Variants in NCOA1 observed in about 807,000 individuals in gnomAD.
The protein encoded by NCOA1 is Hin-2 protein.
A neutral mutation model predicts 150.9 loss-of-function variants in NCOA1; 35 were observed. The observed-to-expected ratio is 0.23, with a 90% CI of 0.18 to 0.31. The LOEUF is 0.31. Ranked by LOEUF, NCOA1 falls within the 10% of genes least tolerant of loss-of-function variation. The pLI is 1.00. For missense variants in NCOA1, 1,491 were observed against 1,749.3 expected, an observed-to-expected ratio of 0.85 and a Z score of 2.63; for synonymous variants, 590 against 630.0, an observed-to-expected ratio of 0.94 and a Z score of 0.95.
chr2:24,537,057 C>A (rs1201154325), intron 1 of NCOA1, among the ~76,000 whole-genome samples: 1 of 151,888 alleles, frequency 6.6e-6, no homozygotes, highest in Non-Finnish European at 1.5e-5. Context: ...GCACTGAAAT[C>A]TCAGACTTCA....
intron 3 of NCOA1, among the ~76,000 whole-genome samples, chr2:24,623,239 G>A (rs551292387): frequency 6.6e-6 from 1 of 152,260 alleles, no homozygotes; most frequent in South Asian, 2.1e-4. Context: ...AGTTAGAGGT[G>A]GAAACTCAGA....
chr2:24,768,176 G>A, intron 22 of NCOA1, 45 bp from the exon 23 acceptor site: 3 of 1,613,426 alleles, frequency 1.9e-6, no homozygotes, highest in Non-Finnish European at 2.5e-6. Flanking sequence ...ATAAGCCGGG[G>A]GGGCAGACCC....
At chr2:24,617,555 A>T (rs1037833430) in intron 3 of NCOA1, among the ~76,000 whole-genome samples, 3 of 152,034 alleles carry the variant, frequency 2.0e-5, no homozygotes, top group African/African-American at 7.2e-5. Flanking sequence ...TTTATATTCC[A>T]CTTCTTTGAA....
intron 3 of NCOA1, among the ~76,000 whole-genome samples, chr2:24,604,940 A>G (rs540527604): frequency 6.6e-6 from 1 of 152,262 alleles, no homozygotes; most frequent in Admixed American, 6.5e-5. Flanking sequence ...TGACTCTTTC[A>G]CTTGAACAGT....
Position 24,650,670 on chromosome 2 carries a change from C to G in NCOA1, c.-18+6548C>G, listed in dbSNP as rs191693426. Among the ~76,000 whole-genome samples the G allele has an allele frequency of 3.7e-4, 57 of 152,170 alleles. No homozygotes were observed. In the East Asian group the frequency reaches 0.011, roughly 28 times the overall value. ...AGGCAAAGGACCTGAAAAGATATTTCTTTAAGGATGACATAAAAATGGCCA... is the reference window on the plus strand; with the variant it reads ...AGGCAAAGGACCTGAAAAGATATTTGTTTAAGGATGACATAAAAATGGCCA... On this transcript the variant is annotated intron_variant, in intron 4 of 22. Coordinates refer to ENST00000348332, the MANE Select transcript of NCOA1 (RefSeq NM_003743.5).
chr2:24,720,065 TGGTAGTAAGAG>T (rs1296551975), intron 14 of NCOA1, among the ~76,000 whole-genome samples: 4 of 152,256 alleles, frequency 2.6e-5, no homozygotes, highest in Admixed American at 1.3e-4. Context: ...GGAACCAGGA[TGGTAGTAAGAG>T]AGGTACATGT....
At chr2:24,627,389 A>G (rs1669478142) in intron 3 of NCOA1, among the ~76,000 whole-genome samples, 1 of 152,180 alleles carries the variant, frequency 6.6e-6, no homozygotes, top group African/African-American at 2.4e-5. Flanking sequence ...AAATACTTGG[A>G]AACAAATAGT....
chr2:24,660,498 T>C (rs1282432663), intron 5 of NCOA1, among the ~76,000 whole-genome samples: 2 of 152,084 alleles, frequency 1.3e-5, no homozygotes, highest in East Asian at 1.9e-4. Flanking sequence ...CTGAGCAATA[T>C]AGAATATTAC....
intron 1 of NCOA1, among the ~76,000 whole-genome samples, chr2:24,516,817 C>T (rs1481517692): frequency 4.6e-5 from 5 of 108,350 alleles, no homozygotes; most frequent in Non-Finnish European, 9.7e-5. Context: ...CTATTTCTAT[C>T]CAGCTTTCTT....
intron 17 of NCOA1, among the ~76,000 whole-genome samples, chr2:24,737,550 T>A (rs1289695173): frequency 6.6e-6 from 1 of 152,214 alleles, no homozygotes; most frequent in African/African-American, 2.4e-5. Flanking sequence ...TTACCTGGCC[T>A]CATTGCCTCC....
intron 3 of NCOA1, among the ~76,000 whole-genome samples, chr2:24,623,380 T>C (rs1339134262): frequency 2.0e-5 from 3 of 152,218 alleles, no homozygotes; most frequent in African/African-American, 7.2e-5. Context: ...CTATGGAATT[T>C]TTTTACTTTC....
At chr2:24,730,628 C>T (rs1309780581) in intron 17 of NCOA1, among the ~76,000 whole-genome samples, 2 of 152,024 alleles carry the variant, frequency 1.3e-5, no homozygotes, top group East Asian at 3.9e-4. Flanking sequence ...AATCTTCTCT[C>T]TCATGACAGG....
intron 1 of NCOA1, among the ~76,000 whole-genome samples, chr2:24,496,433 C>T (rs1444508197): frequency 6.6e-6 from 1 of 152,176 alleles, no homozygotes; most frequent in African/African-American, 2.4e-5. Context: ...TTTACATGTT[C>T]CATTTTCTTC....
intron 4 of NCOA1, 61 bp from the exon 5 acceptor site, chr2:24,658,600 A>G (rs1179632972): frequency 7.9e-7 from 1 of 1,268,454 alleles, no homozygotes; most frequent in Non-Finnish European, 1.1e-6. Context: ...GAGCTTCCCT[A>G]CCTTTATTTG....
intron 3 of NCOA1, among the ~76,000 whole-genome samples, chr2:24,634,711 C>CCG (rs1279642766): frequency 1.8e-4 from 18 of 101,646 alleles, no homozygotes; most frequent in African/African-American, 5.6e-4. Context: ...GGGAGGAACC[C>CCG]CCCCCCCCCC....
intron 3 of NCOA1, among the ~76,000 whole-genome samples, chr2:24,602,707 C>A (rs1455277787): frequency 6.6e-6 from 1 of 151,870 alleles, no homozygotes; most frequent in Non-Finnish European, 1.5e-5. Context: ...TCTCCAATTT[C>A]TTTAATCATT....
intron 9 of NCOA1, among the ~76,000 whole-genome samples, chr2:24,692,440 G>A (rs1672708941): frequency 6.6e-6 from 1 of 152,140 alleles, no homozygotes. Flanking sequence ...TTGGGAATGG[G>A]ACTTTGAAAA....
At chr2:24,607,828 T>C (rs1668440364) in intron 3 of NCOA1, among the ~76,000 whole-genome samples, 2 of 152,202 alleles carry the variant, frequency 1.3e-5, no homozygotes, top group South Asian at 4.1e-4. Context: ...AGACTGAAAT[T>C]GTTCTTTGAG....
chr2:24,655,662 G>A (rs1434385798), intron 4 of NCOA1, among the ~76,000 whole-genome samples: 1 of 152,176 alleles, frequency 6.6e-6, no homozygotes, highest in Admixed American at 6.5e-5. Flanking sequence ...ATAAACTTAA[G>A]GAGGACAAGA....
Sources: allele counts gnomAD v4.1 joint callset (sites outside exome capture counted in the v4.1 genomes callset), GRCh38; gene constraint gnomAD v4.1.1; transcripts MANE v1.5; gene names NCBI Gene and HGNC (gene_info 2026-07-23, HGNC 2026-07-21).